The following PLCB4 variants were observed in gnomAD, a reference collection of about 807,000 sequenced individuals.
PLCB4 encodes 1-phosphatidylinositol 4,5-bisphosphate phosphodiesterase beta-4.
In PLCB4, 77 loss-of-function variants were observed where a neutral mutation model predicts 178.8. The ratio of observed to expected loss-of-function variants is 0.43; its 90% CI spans 0.36 to 0.52. The LOEUF (loss-of-function observed/expected upper bound fraction) is 0.52, where lower values mean the gene tolerates loss of function less well. Ranked by LOEUF, PLCB4 falls within the 20% of genes least tolerant of loss-of-function variation. The pLI is 0.00. For synonymous variants in PLCB4, 496 were observed against 490.8 expected (o/e 1.01, Z -0.14); for missense variants, 1,024 against 1,453.4 (o/e 0.70, Z 4.80).
At chr20:9,415,801 C>T (rs2040201913) in intron 25 of PLCB4, among the ~76,000 whole-genome samples, 1 of 152,218 alleles carries the variant, frequency 6.6e-6, no homozygotes, top group South Asian at 2.1e-4. Context: ...TGGGGCCCTT[C>T]TGAGTTCAGG....
chr20:9,133,246 T>C (rs988392003), intron 2 of PLCB4, among the ~76,000 whole-genome samples: 4 of 152,204 alleles, frequency 2.6e-5, no homozygotes, highest in African/African-American at 7.2e-5. Context: ...TCTGTTTTTC[T>C]GATCACACTG....
chr20:9,309,246 A>C (rs2094804177), intron 4 of PLCB4, among the ~76,000 whole-genome samples: 2 of 152,108 alleles, frequency 1.3e-5, no homozygotes, highest in Admixed American at 6.6e-5. Flanking sequence ...CAAACCACTT[A>C]CAGTTTCCCC....
chr20:9,201,624 A>G (rs2093547344), intron 2 of PLCB4, among the ~76,000 whole-genome samples: 1 of 152,210 alleles, frequency 6.6e-6, no homozygotes, highest in Non-Finnish European at 1.5e-5. Context: ...GTAGAAATAC[A>G]TGGTACTCTA....
At chr20:9,107,903 G>A (rs2091428156) in intron 2 of PLCB4, among the ~76,000 whole-genome samples, 1 of 152,084 alleles carries the variant, frequency 6.6e-6, no homozygotes, top group Non-Finnish European at 1.5e-5. Context: ...TTGGAGGGAT[G>A]GAGGTGGTTT....
At chr20:9,343,399 G>C (rs982223490) in intron 7 of PLCB4, among the ~76,000 whole-genome samples, 1 of 152,152 alleles carries the variant, frequency 6.6e-6, no homozygotes, top group Non-Finnish European at 1.5e-5. Context: ...ACTTCTCAAA[G>C]AGGGTCTCTG....
At chr20:9,127,245 T>C (rs184762732) in intron 2 of PLCB4, among the ~76,000 whole-genome samples, 2 of 152,242 alleles carry the variant, frequency 1.3e-5, no homozygotes, top group East Asian at 1.9e-4. Flanking sequence ...TCCGGGAGCC[T>C]GAGACTCTGC....
At chr20:9,409,621 C>T (rs1380465804) in intron 24 of PLCB4, among the ~76,000 whole-genome samples, 5 of 152,152 alleles carry the variant, frequency 3.3e-5, no homozygotes, top group African/African-American at 1.2e-4. Flanking sequence ...GATGCAGGGG[C>T]ACTTCACTAA....
intron 7 of PLCB4, among the ~76,000 whole-genome samples, chr20:9,347,997 A>C (rs2033974876): frequency 6.6e-6 from 1 of 152,108 alleles, no homozygotes; most frequent in Non-Finnish European, 1.5e-5. Context: ...CAAACAAAAA[A>C]ACTTAAGGAA....
intron 1 of PLCB4, among the ~76,000 whole-genome samples, chr20:9,080,493 T>C (rs754631005): frequency 3.7e-4 from 57 of 152,192 alleles, no homozygotes; most frequent in Non-Finnish European, 7.6e-4. Context: ...TTGCACTAGA[T>C]TAATTCATTT....
chr20:9,385,775 G>A (rs1440686145), intron 14 of PLCB4, among the ~76,000 whole-genome samples: 1 of 151,948 alleles, frequency 6.6e-6, no homozygotes, highest in African/African-American at 2.4e-5. Flanking sequence ...CCCAGACGGG[G>A]CAGCCGGGCA....
At chr20:9,295,680 C>A (rs1289712030) in intron 3 of PLCB4, among the ~76,000 whole-genome samples, 2 of 152,092 alleles carry the variant, frequency 1.3e-5, no homozygotes, top group Non-Finnish European at 2.9e-5. Flanking sequence ...AATAGGGAAT[C>A]CTTTCCCCAT....
At chr20:9,420,258 C>A (rs534513756) in intron 26 of PLCB4, among the ~76,000 whole-genome samples, 1 of 152,246 alleles carries the variant, frequency 6.6e-6, no homozygotes, top group Non-Finnish European at 1.5e-5. Flanking sequence ...GGTGATGATA[C>A]AAATGTTTAT....
At position 9,435,656 on chromosome 20, in the gene PLCB4, G is replaced by A. The variant is rs762212311; in HGVS notation, c.2613+8G>A. On this transcript the variant is annotated splice_region_variant and intron_variant, in intron 29 of 39. Coordinates refer to ENST00000378473, the MANE Select transcript of PLCB4 (RefSeq NM_001377142.1). The stretch of plus-strand genomic sequence containing the variant: ...GCTATGGGCATTGAAACTGTAAGTA[G>A]AAATGGTTGATTAAAGGTGGCCAAG... 3 of 1,518,940 alleles carry A rather than the reference G, an allele frequency of 2.0e-6. No individual in the cohort carries two copies. The South Asian group carries it at 3.4e-5, about 17-fold the overall frequency. The allele number at this position is 1,518,940 out of a possible 1,614,324, so 94.1% of individuals were successfully genotyped here.
intron 3 of PLCB4, among the ~76,000 whole-genome samples, chr20:9,231,874 A>G (rs1047227943): frequency 1.3e-5 from 2 of 152,180 alleles, no homozygotes; most frequent in Admixed American, 1.3e-4. Flanking sequence ...AGCTTTAGTC[A>G]TAATAGCAAA....
chr20:9,312,740 T>C (rs1347781227), intron 4 of PLCB4, among the ~76,000 whole-genome samples: 1 of 152,186 alleles, frequency 6.6e-6, no homozygotes, highest in Admixed American at 6.5e-5. Context: ...AGCAGGATGA[T>C]AAAGCTAGTT....
intron 4 of PLCB4, among the ~76,000 whole-genome samples, chr20:9,334,872 T>G (rs1235622291): frequency 6.6e-6 from 1 of 151,924 alleles, no homozygotes; most frequent in Non-Finnish European, 1.5e-5. Context: ...AATGTCCAGG[T>G]GGTAATGGCA....
chr20:9,396,074 G>T (rs1237362602), intron 19 of PLCB4, among the ~76,000 whole-genome samples: 1 of 152,032 alleles, frequency 6.6e-6, no homozygotes, highest in East Asian at 1.9e-4. Context: ...GGTATTCTTG[G>T]TATTTTGCCA....
chr20:9,283,215 C>T (rs2147708364), intron 3 of PLCB4, among the ~76,000 whole-genome samples: 2 of 152,084 alleles, frequency 1.3e-5, no homozygotes, highest in South Asian at 4.1e-4. Context: ...TATACATGCT[C>T]CTCCTTCTAC....
chr20:9,172,122 C>A (rs1028916235), intron 2 of PLCB4, among the ~76,000 whole-genome samples: 1 of 152,132 alleles, frequency 6.6e-6, no homozygotes, highest in Non-Finnish European at 1.5e-5. Context: ...CTTTCATCTG[C>A]AAAGAGCAAA....
Sources: gnomAD v4.1 joint callset for allele counts (sites outside exome capture counted in the v4.1 genomes callset) on GRCh38, gnomAD v4.1.1 for gene constraint, MANE v1.5 for transcripts, NCBI Gene and HGNC (gene_info 2026-07-23, HGNC 2026-07-21) for gene names.